Variants in PCDHGA5 observed in about 807,000 individuals in gnomAD.
PCDHGA5 encodes protocadherin gamma-A5.
PCDHGA5 carries 36 observed loss-of-function variants against 56.7 expected under a neutral mutation model. The ratio of observed to expected loss-of-function variants is 0.64; its 90% confidence interval spans 0.49 to 0.84. The LOEUF is 0.84. Ranked by LOEUF, PCDHGA5 falls within the 40% of genes least tolerant of loss-of-function variation. PCDHGA5 has a pLI of 0.00. For synonymous variants in PCDHGA5, 563 were observed against 520.2 expected (o/e 1.08, Z -1.12); for missense variants, 1,305 against 1,201.5 (o/e 1.09, Z -1.27).
chr5:141,390,182 A>G (rs771358768), intron 1 of PCDHGA5: 5 of 1,613,870 alleles, frequency 3.1e-6, no homozygotes, highest in Non-Finnish European at 1.7e-6. Flanking sequence ...ATTTCCTAAA[A>G]TGTAGTGAGC....
chr5:141,408,743 A>G (rs764671808), intron 1 of PCDHGA5: 13 of 1,610,030 alleles, frequency 8.1e-6, no homozygotes, highest in African/African-American at 2.7e-5. Flanking sequence ...TTTTTCATTA[A>G]TGGTTAGAGT....
intron 1 of PCDHGA5, chr5:141,399,845 T>G: frequency 6.2e-7 from 1 of 1,612,982 alleles, no homozygotes; most frequent in Non-Finnish European, 8.5e-7. Context: ...CTCTTCGATA[T>G]GGTGCCGCGC....
At chr5:141,383,391 G>A (rs764733462) in intron 1 of PCDHGA5, 7 of 1,613,978 alleles carry the variant, frequency 4.3e-6, no homozygotes. Context: ...ATGTGGGCAC[G>A]AACTCCCTCC....
Position 141,366,210 on chromosome 5 carries a change from G to A in PCDHGA5, c.1880G>A (p.Arg627His), listed in dbSNP as rs374658125. 81 of 1,613,800 alleles carry A rather than the reference G, an allele frequency of 5.0e-5. 1 individual carries two copies. The African/African-American group carries it at 9.2e-4, about 18-fold the overall frequency. The change falls in exon 1 of 4, where the codon CGC (arginine) becomes CAC (histidine). Residue 627 changes from arginine to histidine, a missense_variant. Physicochemically the swap from Arg to His is conservative, Grantham distance 29. Coordinates refer to ENST00000518069, the MANE Select transcript of PCDHGA5 (RefSeq NM_018918.3). The stretch of plus-strand genomic sequence containing the variant: ...GTTGGGCTGCACACGGGCGAGGTGC[G>A]CACAGCGCGAGCCCTGCTGGACAGA... ...FAVGLHTGEVRTARALLDRDA... is the reference protein window; with the variant it reads ...FAVGLHTGEVHTARALLDRDA...
intron 1 of PCDHGA5, chr5:141,424,561 T>C (rs972361161): frequency 7.9e-5 from 12 of 152,236 alleles, no homozygotes; most frequent in African/African-American, 2.9e-4. Flanking sequence ...TCAGTGCTTC[T>C]CAAAAACCTA....
chr5:141,426,364 G>C (rs918838005), intron 1 of PCDHGA5: 1 of 202,328 alleles, frequency 4.9e-6, no homozygotes, highest in Non-Finnish European at 1.0e-5. Flanking sequence ...TTTGTTCTGC[G>C]GGGCACCCTC....
chr5:141,428,029 C>G, intron 1 of PCDHGA5: 2 of 1,607,160 alleles, frequency 1.2e-6, no homozygotes, highest in Non-Finnish European at 1.7e-6. Flanking sequence ...GCCGCAGAGT[C>G]CGGCTACCTG....
chr5:141,476,733 G>C lies in PCDHGA5; in HGVS notation c.2422-18074G>C, dbSNP rs373439335. On this transcript the variant is annotated intron_variant, in intron 1 of 3. Transcript: ENST00000518069. This position sits in a 1 kb window ranked among gnomAD's most constrained non-coding sequence, Gnocchi z 7.6. ...TTGGAGCGCGCCCTGGACCGAGAAC[G>C]GGAGCCTAGTCTCCAGTTAGTGCTG... 6.2e-6 allele frequency: 10 copies of C among 1,614,062 alleles called. No individual in the cohort carries two copies. The highest frequency in any genetic ancestry group is 2.2e-5 in the East Asian group (1 of 44,870).
chr5:141,371,135 C>T (rs779737022), intron 1 of PCDHGA5: 9 of 1,614,012 alleles, frequency 5.6e-6, no homozygotes, highest in Non-Finnish European at 7.6e-6. Flanking sequence ...AGGACATGTA[C>T]AGGGTCAATG....
At chr5:141,481,462 C>T (rs1395867714) in intron 1 of PCDHGA5, among the ~76,000 whole-genome samples, 1 of 152,162 alleles carries the variant, frequency 6.6e-6, no homozygotes. Flanking sequence ...ACACTGAAAA[C>T]CATTGGATTA....
intron 1 of PCDHGA5, among the ~76,000 whole-genome samples, chr5:141,469,207 G>T (rs2099193654): frequency 6.6e-6 from 1 of 151,820 alleles, no homozygotes; most frequent in African/African-American, 2.4e-5. Flanking sequence ...GCCTTTTGAA[G>T]TTGAGGCTTC....
chr5:141,399,814 C>T, intron 1 of PCDHGA5: 2 of 1,613,238 alleles, frequency 1.2e-6, no homozygotes, highest in Non-Finnish European at 1.7e-6. Context: ...GTACCCCGCG[C>T]TGGGTCCCGA....
At chr5:141,377,672 C>CAAG (rs1410106152) in intron 1 of PCDHGA5, 2 of 151,680 alleles carry the variant, frequency 1.3e-5, no homozygotes, top group Admixed American at 1.3e-4. Context: ...GACGTTCATA[C>CAAG]AAGAGATCTT....
intron 1 of PCDHGA5, chr5:141,412,862 T>A (rs957973834): frequency 7.5e-5 from 18 of 241,156 alleles, no homozygotes; most frequent in African/African-American, 3.4e-4. Context: ...AAAGAATCTA[T>A]GTAAAATATA....
chr5:141,491,542 G>T lies in PCDHGA5; in HGVS notation c.2422-3265G>T, dbSNP rs112433306. The T allele has an allele frequency of 6.2e-7, 1 of 1,613,898 alleles. No homozygotes were observed. Among genetic ancestry groups the T allele is most frequent in the Admixed American group, 1.7e-5 (1 of 60,006 alleles). On this transcript the variant is annotated intron_variant, in intron 1 of 3. Transcript: ENST00000518069. This position sits in a 1 kb window ranked among gnomAD's most constrained non-coding sequence, Gnocchi z 6.9. ...CATGGAGGTGACGCTGCGGCCCACA[G>T]ACTCGCAGAGCCACTGCTACAGGAC...
At position 141,501,332 on chromosome 5, in the gene PCDHGA5, CA is replaced by C. The variant is rs1257793029; in HGVS notation, c.2481-4060del. 1.8e-3 allele frequency among the ~76,000 whole-genome samples: 265 copies of C among 149,784 alleles called. 1 individual carries two copies. The highest frequency in any genetic ancestry group is 5.2e-3 in the African/African-American group (209 of 40,512). On this transcript the variant is annotated intron_variant, in intron 2 of 3. Transcript: ENST00000518069. Reference sequence around the variant, plus strand: ...ACACACACACACACACACACACACACACCCCAAACTCAATAGGGCAAGAACC... The same window carrying C: ...ACACACACACACACACACACACACACCCCCAAACTCAATAGGGCAAGAACC...
At position 141,477,269 on chromosome 5, in the gene PCDHGA5, G is replaced by A; in HGVS notation, c.2422-17538G>A. On this transcript the variant is annotated intron_variant, in intron 1 of 3. Coordinates refer to ENST00000518069, the MANE Select transcript of PCDHGA5 (RefSeq NM_018918.3). This position sits in a 1 kb window ranked among gnomAD's most constrained non-coding sequence, Gnocchi z 4.9. Reference sequence around the variant, plus strand: ...GACTGACCTGGATGCTGGCGAGAACGGGCTGGTGACCTGCGAAGTTCCACC... The same window carrying A: ...GACTGACCTGGATGCTGGCGAGAACAGGCTGGTGACCTGCGAAGTTCCACC... 1.9e-6 allele frequency: 3 copies of A among 1,614,154 alleles called. No individual in the cohort carries two copies. Among genetic ancestry groups the A allele is most frequent in the Non-Finnish European group, 2.5e-6 (3 of 1,180,030 alleles).
In PCDHGA5 at chr5:141,372,908, T is replaced by A. The variant is rs1769157545; in HGVS notation, c.2421+6157T>A. The A allele has an allele frequency of 7.4e-6, 8 of 1,075,948 alleles. No individual in the cohort carries two copies. In the East Asian group the frequency reaches 2.1e-4, roughly 28 times the overall value. The allele number at this position is 1,075,948 out of a possible 1,614,324, so 66.7% of individuals were successfully genotyped here. ...ACAGATTAAATATTCCCTGATTACA[T>A]TATTTTATTGATTTTCTGGTGTAGA... On this transcript the variant is annotated intron_variant, in intron 1 of 3. Transcript: ENST00000518069.
chr5:141,417,963 A>C (rs1260025037), intron 1 of PCDHGA5: 1 of 1,613,258 alleles, frequency 6.2e-7, no homozygotes, highest in Non-Finnish European at 8.5e-7. Flanking sequence ...CCGATCCGCT[A>C]CTCGATTCCG....
Sources: gnomAD v4.1 joint callset for allele counts (sites outside exome capture counted in the v4.1 genomes callset) on GRCh38, gnomAD v4.1.1 for gene constraint, Gnocchi (gnomAD v3.1) non-coding constraint, MANE v1.5 for transcripts, NCBI Gene and HGNC (gene_info 2026-07-23, HGNC 2026-07-21) for gene names.